OCLN: variants seen among roughly 807,000 people sequenced by gnomAD.
OCLN encodes the protein occludin.
Under a neutral mutation model 47.9 loss-of-function variants are expected in OCLN, and 21 were observed. The observed-to-expected ratio is 0.44, with a 90% CI of 0.31 to 0.63. The LOEUF (loss-of-function observed/expected upper bound fraction) is 0.63. OCLN is among the 30% of genes least tolerant of loss of function. The pLI is 0.08. For synonymous variants in OCLN, 117 were observed against 198.4 expected, an observed-to-expected ratio of 0.59 and a Z score of 3.45; for missense variants, 360 against 571.0, an observed-to-expected ratio of 0.63 and a Z score of 3.77.
At chr5:69,513,404 CAT>C (rs1263513351) in intron 3 of OCLN, among the ~76,000 whole-genome samples, 1 of 152,176 alleles carries the variant, frequency 6.6e-6, no homozygotes, top group African/African-American at 2.4e-5. Context: ...TGATTAGATC[CAT>C]GTCTTCATCA....
At chr5:69,527,860 G>A (rs760544622) in intron 4 of OCLN, among the ~76,000 whole-genome samples, 1 of 151,846 alleles carries the variant, frequency 6.6e-6, no homozygotes, top group Non-Finnish European at 1.5e-5. Flanking sequence ...TTTCTCTGGG[G>A]CACTCTTGGC....
At chr5:69,516,832 G>A (rs1768985523) in intron 4 of OCLN, among the ~76,000 whole-genome samples, 1 of 152,098 alleles carries the variant, frequency 6.6e-6, no homozygotes, top group Non-Finnish European at 1.5e-5. Context: ...CAAGGTGGAA[G>A]GATCACTTGA....
At chr5:69,498,868 A>C (rs28847129) in intron 1 of OCLN, among the ~76,000 whole-genome samples, 12,238 of 151,986 alleles carry the variant, frequency 0.081, 697 homozygotes, top group Non-Finnish European at 0.12. Context: ...TAGTAGAGAC[A>C]GGGTTTCACC....
chr5:69,529,333 G>T (rs1769367680), intron 4 of OCLN, among the ~76,000 whole-genome samples: 1 of 152,300 alleles, frequency 6.6e-6, no homozygotes, highest in Non-Finnish European at 1.5e-5. Context: ...TTGTCACAAA[G>T]AATTTTTTCA....
chr5:69,531,022 G>A (rs1027402191), intron 4 of OCLN, among the ~76,000 whole-genome samples: 1 of 152,206 alleles, frequency 6.6e-6, no homozygotes, highest in Non-Finnish European at 1.5e-5. Context: ...TAGGTTCTTG[G>A]GAAAGTTGTC....
intron 1 of OCLN, among the ~76,000 whole-genome samples, chr5:69,497,486 C>G (rs1768330641): frequency 6.8e-6 from 1 of 146,796 alleles, no homozygotes; most frequent in Admixed American, 7.1e-5. Context: ...CTCCTGGGTT[C>G]AAGCAATTCT....
chr5:69,528,127 C>T (rs1319881424), intron 4 of OCLN, among the ~76,000 whole-genome samples: 3 of 152,072 alleles, frequency 2.0e-5, no homozygotes, highest in Admixed American at 6.5e-5. Flanking sequence ...AGAGAACTTT[C>T]CAGTCGATTT....
intron 1 of OCLN, among the ~76,000 whole-genome samples, chr5:69,497,274 C>A (rs1444392716): frequency 6.6e-6 from 1 of 151,546 alleles, no homozygotes; most frequent in South Asian, 2.1e-4. Flanking sequence ...ATAACAAAGA[C>A]AGCTCTTCAT....
chr5:69,526,527 T>C (rs1427296599), intron 4 of OCLN, among the ~76,000 whole-genome samples: 1 of 152,168 alleles, frequency 6.6e-6, no homozygotes, highest in Non-Finnish European at 1.5e-5. Flanking sequence ...CCTCACTGAG[T>C]ACAAGGTTTT....
intron 1 of OCLN, among the ~76,000 whole-genome samples, chr5:69,494,323 A>G (rs1768231714): frequency 6.6e-6 from 1 of 152,124 alleles, no homozygotes; most frequent in South Asian, 2.1e-4. Context: ...AATAGCTGGG[A>G]TTACAGGCAC....
chr5:69,523,828 G>C (rs1769208008), intron 4 of OCLN, among the ~76,000 whole-genome samples: 1 of 152,046 alleles, frequency 6.6e-6, no homozygotes, highest in Non-Finnish European at 1.5e-5. Context: ...AAGCCACCGT[G>C]CCCGGCCAAT....
Position 69,551,711 on chromosome 5 carries a change from AT to A in OCLN, c.1467+132del, listed in dbSNP as rs1769867415. 4 of 40,120 alleles carry A rather than the reference AT, an allele frequency of 1.0e-4. No homozygotes were observed. In the East Asian group the frequency reaches 1.9e-3, roughly 19 times the overall value. 2.5% of individuals were successfully genotyped at this position (40,120 alleles called of 1,614,324 possible). A position where few individuals can be genotyped will look rare whatever the true frequency, so the allele number is the denominator to read the frequency against. On this transcript the variant is annotated intron_variant, in intron 8 of 8. Transcript: ENST00000396442. ...ATGTTTTTCATTTTTTATTTTATAT[AT>A]TTTTTAAAAGTTGAAGTATACATAC...
At chr5:69,505,253 A>T (rs974439146) in intron 2 of OCLN, among the ~76,000 whole-genome samples, 3 of 152,216 alleles carry the variant, frequency 2.0e-5, no homozygotes, top group South Asian at 4.1e-4. Context: ...TCCGTCTCAA[A>T]AAATAAATAA....
intron 1 of OCLN, among the ~76,000 whole-genome samples, chr5:69,500,403 CTT>C (rs72338145): frequency 3.5e-5 from 5 of 142,502 alleles, no homozygotes; most frequent in Admixed American, 1.4e-4. Context: ...GCTTTCTTTT[CTT>C]TTTTTTTTTT....
intron 4 of OCLN, among the ~76,000 whole-genome samples, chr5:69,517,897 A>G (rs1769022524): frequency 6.6e-6 from 1 of 152,136 alleles, no homozygotes; most frequent in African/African-American, 2.4e-5. Context: ...GGTCTATATT[A>G]TGAGCTATGA....
intron 5 of OCLN, among the ~76,000 whole-genome samples, chr5:69,536,061 A>C (rs1379534698): frequency 6.6e-6 from 1 of 152,224 alleles, no homozygotes; most frequent in African/African-American, 2.4e-5. Flanking sequence ...AGGTTGTTGT[A>C]AGTGGAGATT....
At chr5:69,505,781 AAAAC>A (rs1426898986) in intron 2 of OCLN, among the ~76,000 whole-genome samples, 1 of 152,200 alleles carries the variant, frequency 6.6e-6, no homozygotes, top group Admixed American at 6.5e-5. Flanking sequence ...GATATAGGCA[AAAAC>A]AAACAGTTTC....
At chr5:69,547,133 A>G (rs1438967361) in intron 6 of OCLN, among the ~76,000 whole-genome samples, 4 of 151,446 alleles carry the variant, frequency 2.6e-5, no homozygotes, top group African/African-American at 9.7e-5. Flanking sequence ...TAGATAAGCT[A>G]TTTCCACTTC....
At position 69,554,351 on chromosome 5, in the gene OCLN, T is replaced by G. The variant is rs2112101074; in HGVS notation, c.*680T>G. 1 of 152,172 alleles carries G rather than the reference T, an allele frequency of 6.6e-6. No homozygotes were observed. Among genetic ancestry groups the G allele is most frequent in the African/African-American group, 2.4e-5 (1 of 41,506 alleles). 9.4% of individuals were successfully genotyped at this position (152,172 alleles called of 1,614,324 possible). On this transcript the variant is annotated 3_prime_UTR_variant, in exon 9 of 9. Transcript: ENST00000396442. ...GATTGTAAATATATATTTACTTTTT[T>G]AAGATCAAAGTTTAAACCCCGTGGT... is the stretch of plus-strand genomic sequence containing the variant.
Sources: allele counts gnomAD v4.1 joint callset (sites outside exome capture counted in the v4.1 genomes callset), GRCh38; gene constraint gnomAD v4.1.1; transcripts MANE v1.5; gene names NCBI Gene and HGNC (gene_info 2026-07-23, HGNC 2026-07-21).